Variants in RPUSD1 observed in about 807,000 individuals in gnomAD.
RPUSD1 encodes pseudouridylate synthase RPUSD1.
RPUSD1 carries 28 observed loss-of-function variants against 22.4 expected under a neutral mutation model. The observed-to-expected ratio is 1.25, with a 90% CI of 0.93 to 1.72. RPUSD1 has a LOEUF of 1.72. Among genes scored for constraint, RPUSD1 ranks in the 40% most tolerant of loss-of-function variants. The pLI, the probability that RPUSD1 is intolerant of heterozygous loss-of-function variation, is 0.00. For missense variants in RPUSD1, 596 were observed against 442.2 expected (o/e 1.35, Z -3.12); for synonymous variants, 298 against 201.0 (o/e 1.48, Z -4.08).
rs763429531 is a variant in RPUSD1 at position 787,708 on chromosome 16, G to A, written c.30C>T (p.Ser10=). The change falls in exon 2 of 6, where the codon TCC becomes TCT. Residue 10 remains serine, a synonymous_variant. Transcript: ENST00000007264. MEPGSVENL[S]IVYRSRDFLV... ...GGAAGTCGCGGCTCCGGTACACGAT[G>A]GACAGGTTCTCCACGCTGCCTGGCT... 2.0e-5 allele frequency: 32 copies of A among 1,611,578 alleles called. No individual in the cohort carries two copies. In the South Asian group the frequency reaches 3.0e-4, roughly 15 times the overall value.
chr16:787,431 C>T lies in RPUSD1; in HGVS notation c.229G>A (p.Ala77Thr), dbSNP rs769970055. The stretch of plus-strand genomic sequence containing the variant: ...CTGCCGGCGGCTGCCTTGTTTAGGG[C>T]CACGCACAGCGCCCCGCTGGTGGAG... ...DFSTSGALCV[A>T]LNKAAAGSAY... The change falls in exon 3 of 6, where the codon GCC becomes ACC. Residue 77 changes from alanine to threonine, a missense_variant. Ala to Thr is a moderately conservative substitution (Grantham distance 58). Transcript: ENST00000007264. 1.9e-6 allele frequency: 3 copies of T among 1,582,652 alleles called. No homozygotes were observed. The highest frequency in any genetic ancestry group is 3.5e-5 in the Admixed American group (2 of 56,426).
chr16:786,393 G>A lies in RPUSD1; in HGVS notation c.512-16C>T, dbSNP rs751592719. 32 of 1,594,510 alleles carry A rather than the reference G, an allele frequency of 2.0e-5. No homozygotes were observed. The Admixed American group carries it at 2.2e-4, about 11-fold the overall frequency. ...TGTGTCCGGCCTGCGGGATGAGGGCGGTGCCGGATCAAGCTGGGAGCGGGG... is the reference window on the plus strand; with the variant it reads ...TGTGTCCGGCCTGCGGGATGAGGGCAGTGCCGGATCAAGCTGGGAGCGGGG... On this transcript the variant is annotated splice_polypyrimidine_tract_variant and intron_variant, in intron 5 of 5. Coordinates refer to ENST00000007264, the MANE Select transcript of RPUSD1 (RefSeq NM_058192.3).
intron 1 of RPUSD1, chr16:787,977 A>C: frequency 1.7e-6 from 1 of 585,278 alleles, no homozygotes; most frequent in South Asian, 2.0e-5. Flanking sequence ...TGCCTGACCT[A>C]AGCCTGGAGA....
Position 786,960 on chromosome 16 carries a change from G to A in RPUSD1, c.410-32C>T, listed in dbSNP as rs551464553. On this transcript the variant is annotated intron_variant, in intron 4 of 5. Transcript: ENST00000007264. ...CGCAGAAGGCAGGTGTGAGGTTAGT[G>A]GGACTGACCCGGGGCCCAGGCCCAC... 5 of 1,599,424 alleles carry A rather than the reference G, an allele frequency of 3.1e-6. No individual in the cohort carries two copies. In the South Asian group the frequency reaches 4.4e-5, roughly 14 times the overall value.
Position 787,553 on chromosome 16 carries a change from T to A in RPUSD1, c.182+3A>T. ...ACCGTGGGGCTCCGGCCGCCCCCCC[T>A]ACCTGAACCCGTAGCAGGTGTCAGG... On this transcript the variant is annotated splice_donor_region_variant and intron_variant, in intron 2 of 5. Transcript: ENST00000007264. The A allele has an allele frequency of 6.2e-7, 1 of 1,609,834 alleles. No homozygotes were observed. Among genetic ancestry groups the A allele is most frequent in the Admixed American group, 1.7e-5 (1 of 59,868 alleles).
intron 5 of RPUSD1, 39 bp downstream of exon 5, chr16:786,788 C>A: frequency 6.5e-7 from 1 of 1,549,056 alleles, no homozygotes; most frequent in Non-Finnish European, 8.9e-7. Flanking sequence ...CTCAGTTTCC[C>A]TTCTGTCACC....
Position 785,962 on chromosome 16 carries a change from T to C in RPUSD1, c.927A>G (p.Glu309=), listed in dbSNP as rs2041889009. 1 of 1,439,712 alleles carries C rather than the reference T, an allele frequency of 6.9e-7. No homozygotes were observed. 89.2% of individuals were successfully genotyped at this position (1,439,712 alleles called of 1,614,324 possible). ...AGCCCCACGGCTCTCAGCTGTCCGGTTCCAGCGTCCACTCCGACAGCCACT... is the reference window on the plus strand; with the variant it reads ...AGCCCCACGGCTCTCAGCTGTCCGGCTCCAGCGTCCACTCCGACAGCCACT... ...CLQWLSEWTL[E]PDS is the part of the protein sequence containing the mutation. The change falls in exon 6 of 6, where the codon GAA becomes GAG. Residue 309 remains glutamate, a synonymous_variant. Transcript: ENST00000007264.
At chr16:786,735 C>T (rs1376070059) in intron 5 of RPUSD1, 92 bp downstream of exon 5, 1 of 1,053,412 alleles carries the variant, frequency 9.5e-7, no homozygotes, top group Admixed American at 1.7e-5. Flanking sequence ...CAGCTCTGCC[C>T]TGATGCTCAG....
rs1295125618 is a variant in RPUSD1 at position 785,363 on chromosome 16, G to C, written c.*587C>G. 1.3e-5 allele frequency: 2 copies of C among 152,872 alleles called. No individual in the cohort carries two copies. Among genetic ancestry groups the C allele is most frequent in the African/African-American group, 4.8e-5 (2 of 41,474 alleles). 9.5% of individuals were successfully genotyped at this position (152,872 alleles called of 1,614,324 possible). ...CACGCAGCCGGGCCTGCAGACTCGAGCCCAGCAGGGACCATTAGGTCTCGG... is the reference window on the plus strand; with the variant it reads ...CACGCAGCCGGGCCTGCAGACTCGACCCCAGCAGGGACCATTAGGTCTCGG... On this transcript the variant is annotated 3_prime_UTR_variant, in exon 6 of 6. Coordinates refer to ENST00000007264, the MANE Select transcript of RPUSD1 (RefSeq NM_058192.3).
chr16:786,713 A>T, intron 5 of RPUSD1, 114 bp downstream of exon 5: 1 of 885,344 alleles, frequency 1.1e-6, no homozygotes, highest in Non-Finnish European at 1.9e-6. Context: ...AGAACGCAGG[A>T]GTGCTTGTTG....
chr16:786,186 C>T lies in RPUSD1; in HGVS notation c.703G>A (p.Asp235Asn), dbSNP rs765230543. The T allele has an allele frequency of 6.2e-7, 1 of 1,612,592 alleles. No individual in the cohort carries two copies. The highest frequency in any genetic ancestry group is 1.3e-5 in the African/African-American group (1 of 75,022). Reference sequence around the variant, plus strand: ...AGTGTGTGGGGGCTCCAGCAGGCATCCAGGGAGGGCAGGAAGGGGTCAGGC... The same window carrying T: ...AGTGTGTGGGGGCTCCAGCAGGCATTCAGGGAGGGCAGGAAGGGGTCAGGC... ...CTPDPFLPSLDACWSPHTLLQ... is the reference protein window; with the variant it reads ...CTPDPFLPSLNACWSPHTLLQ... Residue 235 changes from aspartate (D) to asparagine (N), a missense_variant, in exon 6 of 6, where the codon GAT becomes AAT. Coordinates refer to ENST00000007264, the MANE Select transcript of RPUSD1 (RefSeq NM_058192.3).
Position 787,561 on chromosome 16 carries a change from C to A in RPUSD1, c.177G>T (p.Gly59=). ...PELADPDTCY[G]FRFCHQLDFS... ...GCTCCGGCCGCCCCCCCTACCTGAA[C>A]CCGTAGCAGGTGTCAGGGTCGGCCA... The change falls in exon 2 of 6, where the codon GGG becomes GGT. Residue 59 remains glycine, a synonymous_variant. Coordinates refer to ENST00000007264, the MANE Select transcript of RPUSD1 (RefSeq NM_058192.3). 6.2e-7 allele frequency: 1 copy of A among 1,610,600 alleles called. No individual in the cohort carries two copies. Among genetic ancestry groups the A allele is most frequent in the East Asian group, 2.2e-5 (1 of 44,858 alleles).
At chr16:786,576 A>C in intron 5 of RPUSD1, 199 bp from the exon 6 acceptor site, 1 of 747,290 alleles carries the variant, frequency 1.3e-6, no homozygotes, top group Non-Finnish European at 2.3e-6. Flanking sequence ...ACCACTGGTG[A>C]GGACAGGGCC....
Position 786,086 on chromosome 16 carries a change from C to T in RPUSD1, c.803G>A (p.Arg268Lys). The change falls in exon 6 of 6, where the codon AGG (arginine) becomes AAG (lysine). Residue 268 changes from arginine (R) to lysine (K), a missense_variant. Arg to Lys is a conservative substitution (Grantham distance 26). Coordinates refer to ENST00000007264, the MANE Select transcript of RPUSD1 (RefSeq NM_058192.3). ...PDPDPEDRGP[R>K]PGSPSALLPG... ...CAGGAGTGCGGAGGGGCTGCCTGGC[C>T]TGGGGCCCCTATCCTCGGGGTCAGG... 1 of 1,572,116 alleles carries T rather than the reference C, an allele frequency of 6.4e-7. No homozygotes were observed. Among genetic ancestry groups the T allele is most frequent in the Non-Finnish European group, 8.7e-7 (1 of 1,155,586 alleles).
At position 786,268 on chromosome 16, in the gene RPUSD1, C is replaced by A; in HGVS notation, c.621G>T (p.Met207Ile). The part of the protein sequence containing the change: ...SGREDRPFRM[M>I]LHAFYLRIPT... ...GGATGCGCAGGTAGAAAGCGTGCAG[C>A]ATCATTCTGAACGGCCGGTCCTCCC... Residue 207 changes from methionine (M) to isoleucine (I), a missense_variant, in exon 6 of 6, where the codon ATG (methionine) becomes ATT (isoleucine). Physicochemically the swap from Met to Ile is conservative, Grantham distance 10 (BLOSUM62 1). Transcript: ENST00000007264. The A allele has an allele frequency of 6.2e-7, 1 of 1,612,762 alleles. No homozygotes were observed. Among genetic ancestry groups the A allele is most frequent in the Non-Finnish European group, 8.5e-7 (1 of 1,179,938 alleles).
rs536999188 is a variant in RPUSD1, at chr16:788,237, C to A, written c.-8+19G>T. The A allele has an allele frequency of 2.0e-3, 792 of 393,106 alleles. 5 individuals carry two copies. The highest frequency in any genetic ancestry group is 0.016 in the African/African-American group (732 of 44,752). The allele number at this position is 393,106 out of a possible 1,614,324, so 24.4% of individuals were successfully genotyped here. On this transcript the variant is annotated intron_variant, in intron 1 of 5. Transcript: ENST00000007264. ...TGGCTCCGAGCCCCTCCCGCGCCCA[C>A]GCCCACGCCAAGACCAACCTGCTGC...
At chr16:786,673 G>A (rs766417285) in intron 5 of RPUSD1, 154 bp downstream of exon 5, 2 of 768,284 alleles carry the variant, frequency 2.6e-6, no homozygotes, top group Non-Finnish European at 4.6e-6. Context: ...TGTCAGGTGA[G>A]AAGCTGAGAG....
intron 5 of RPUSD1, 57 bp from the exon 6 acceptor site, chr16:786,434 C>A: frequency 1.9e-6 from 3 of 1,539,270 alleles, no homozygotes; most frequent in Non-Finnish European, 2.6e-6. Flanking sequence ...CCACACCTAT[C>A]TCCCTGACCA....
Position 785,866 on chromosome 16 carries a change from A to C in RPUSD1, c.*84T>G. 1 of 1,237,142 alleles carries C rather than the reference A, an allele frequency of 8.1e-7. No individual in the cohort carries two copies. The highest frequency in any genetic ancestry group is 1.1e-6 in the Non-Finnish European group (1 of 945,576). 76.6% of individuals were successfully genotyped at this position (1,237,142 alleles called of 1,614,324 possible). ...ATGCTGCCTGGCACCTCGAGGCCCCAGAGCCAGTGAGCAGACGCTCGCTCG... is the reference window on the plus strand; with the variant it reads ...ATGCTGCCTGGCACCTCGAGGCCCCCGAGCCAGTGAGCAGACGCTCGCTCG... On this transcript the variant is annotated 3_prime_UTR_variant, in exon 6 of 6. Transcript: ENST00000007264.
Sources: allele counts gnomAD v4.1 joint callset, GRCh38; gene constraint gnomAD v4.1.1; transcripts MANE v1.5; gene names NCBI Gene and HGNC (gene_info 2026-07-23, HGNC 2026-07-21).